Variants in PTPRD observed in about 807,000 individuals in gnomAD.
The protein encoded by PTPRD is receptor-type tyrosine-protein phosphatase delta.
A neutral mutation model predicts 214.5 loss-of-function variants in PTPRD; 34 were observed. The ratio of observed to expected loss-of-function variants is 0.16; its 90% CI spans 0.12 to 0.21. PTPRD has a LOEUF of 0.21. Among genes scored for constraint, PTPRD ranks in the 10% least tolerant of loss-of-function variants. The probability of loss-of-function intolerance (pLI) is 1.00; values close to 1 mark genes in which losing one functional copy is unlikely to be tolerated. For missense variants in PTPRD, 2,545 were observed against 2,398.7 expected (o/e 1.06, Z -1.27); for synonymous variants, 1,128 against 845.7 (o/e 1.33, Z -5.79).
chr9:8,689,856 C>G (rs2097766920), intron 12 of PTPRD, among the ~76,000 whole-genome samples: 1 of 151,974 alleles, frequency 6.6e-6, no homozygotes, highest in South Asian at 2.1e-4. Context: ...GCCTGTAATC[C>G]CAGCACTTTG....
At chr9:9,957,889 A>G (rs1461263044) in intron 4 of PTPRD, among the ~76,000 whole-genome samples, 1 of 152,124 alleles carries the variant, frequency 6.6e-6, no homozygotes, top group Non-Finnish European at 1.5e-5. Context: ...GTGAGAAAAA[A>G]AAAAAAATTA....
Position 8,782,691 on chromosome 9 carries a change from G to C in PTPRD, c.-103-48745C>G, listed in dbSNP as rs539720352. Among the ~76,000 whole-genome samples the C allele has an allele frequency of 1.4e-3, 201 of 147,674 alleles. 1 individual carries two copies. Among genetic ancestry groups the C allele is most frequent in the Non-Finnish European group, 2.4e-3 (160 of 67,368 alleles). On this transcript the variant is annotated intron_variant, in intron 11 of 45. Coordinates refer to ENST00000381196, the MANE Select transcript of PTPRD (RefSeq NM_002839.4). ...CGGCTCACTGCAACCTCCACCTCCC[G>C]AGTTCAAGCAATTCTCCTGCCTCAG...
At chr9:9,723,326 T>G (rs1217607194) in intron 7 of PTPRD, among the ~76,000 whole-genome samples, 1 of 152,118 alleles carries the variant, frequency 6.6e-6, no homozygotes, top group Non-Finnish European at 1.5e-5. Context: ...CAGTTAGCCA[T>G]AAACTTATGG....
intron 11 of PTPRD, among the ~76,000 whole-genome samples, chr9:8,767,468 C>CCTATATAA (rs1227221714): frequency 1.6e-4 from 25 of 152,096 alleles, no homozygotes; most frequent in Non-Finnish European, 3.1e-4. Flanking sequence ...ACTCAAAGAT[C>CCTATATAA]ATTTATATAG....
intron 3 of PTPRD, among the ~76,000 whole-genome samples, chr9:10,193,852 A>C (rs527486768): frequency 6.6e-6 from 1 of 152,278 alleles, no homozygotes; most frequent in Non-Finnish European, 1.5e-5. Context: ...ACGAAGAAAA[A>C]ATGCAAAATT....
rs446601 is a variant in PTPRD, at chr9:10,091,788, T to A, written c.-544-57998A>T. On this transcript the variant is annotated intron_variant, in intron 3 of 45. Coordinates refer to ENST00000381196, the MANE Select transcript of PTPRD (RefSeq NM_002839.4). ...AATAAGAATATGTATCTCATTTTTC[T>A]TAGAAGCAAGGCAGGCATCCAGTTT... Among the ~76,000 whole-genome samples, 20 of 151,278 alleles carry A rather than the reference T, an allele frequency of 1.3e-4. No homozygotes were observed. In the East Asian group the frequency reaches 2.7e-3, roughly 21 times the overall value.
chr9:8,395,171 G>C (rs949985292), intron 36 of PTPRD, among the ~76,000 whole-genome samples: 3 of 152,110 alleles, frequency 2.0e-5, no homozygotes, highest in Non-Finnish European at 4.4e-5. Flanking sequence ...AAACAAGTTT[G>C]TTCTTTGTTG....
intron 9 of PTPRD, among the ~76,000 whole-genome samples, chr9:9,302,654 C>G (rs1955839817): frequency 2.1e-5 from 2 of 93,534 alleles, no homozygotes; most frequent in Non-Finnish European, 4.2e-5. Context: ...CTTAAACATT[C>G]TCCCACTGAC....
intron 8 of PTPRD, among the ~76,000 whole-genome samples, chr9:9,539,902 A>T (rs1411649116): frequency 1.3e-5 from 2 of 151,874 alleles, no homozygotes; most frequent in African/African-American, 4.8e-5. Context: ...TCCAAATGTG[A>T]TACCATTCTC....
intron 9 of PTPRD, among the ~76,000 whole-genome samples, chr9:9,386,463 T>C (rs1300554703): frequency 6.6e-6 from 1 of 151,654 alleles, no homozygotes; most frequent in Admixed American, 6.6e-5. Flanking sequence ...GGTGGTTGCA[T>C]TAGCCTTTCT....
chr9:10,545,006 A>G (rs1347969966), intron 2 of PTPRD, among the ~76,000 whole-genome samples: 1 of 152,162 alleles, frequency 6.6e-6, no homozygotes. Context: ...TTTAACTTTT[A>G]TAAGTTTAAG....
At chr9:10,271,709 A>G (rs896706628) in intron 3 of PTPRD, among the ~76,000 whole-genome samples, 1 of 151,582 alleles carries the variant, frequency 6.6e-6, no homozygotes, top group Non-Finnish European at 1.5e-5. Flanking sequence ...CACCCGGCTA[A>G]TTTTTGTGTT....
intron 35 of PTPRD, among the ~76,000 whole-genome samples, chr9:8,428,492 A>G (rs10815868): frequency 0.43 from 65,208 of 151,944 alleles, 14,503 homozygotes; most frequent in East Asian, 0.61. Flanking sequence ...CTTGTGACTC[A>G]TATGTCAAAA....
At chr9:10,273,878 A>C (rs952136539) in intron 3 of PTPRD, among the ~76,000 whole-genome samples, 14 of 152,154 alleles carry the variant, frequency 9.2e-5, no homozygotes, top group African/African-American at 3.4e-4. Context: ...GGAGCTACAA[A>C]TATTTATTTA....
At chr9:9,412,852 CT>C (rs1156668588) in intron 8 of PTPRD, among the ~76,000 whole-genome samples, 1 of 151,942 alleles carries the variant, frequency 6.6e-6, no homozygotes, top group Non-Finnish European at 1.5e-5. Context: ...TTCTGGGGCA[CT>C]TTTTGTACTC....
chr9:8,595,133 G>A (rs1490497494), intron 14 of PTPRD, among the ~76,000 whole-genome samples: 1 of 150,150 alleles, frequency 6.7e-6, no homozygotes, highest in Non-Finnish European at 1.5e-5. Flanking sequence ...AAAGTGCTGG[G>A]ATTACAGGTG....
At chr9:10,315,168 T>C (rs2096388223) in intron 3 of PTPRD, among the ~76,000 whole-genome samples, 1 of 151,964 alleles carries the variant, frequency 6.6e-6, no homozygotes, top group Admixed American at 6.6e-5. Flanking sequence ...CTAGCATGAA[T>C]GGCTTGATTA....
At chr9:10,484,557 C>T (rs949123302) in intron 2 of PTPRD, among the ~76,000 whole-genome samples, 12 of 151,920 alleles carry the variant, frequency 7.9e-5, no homozygotes, top group African/African-American at 2.4e-4. Context: ...TTGTTATTGC[C>T]TGTCTTTTGG....
intron 11 of PTPRD, among the ~76,000 whole-genome samples, chr9:8,759,757 A>G (rs1407337673): frequency 6.6e-6 from 1 of 152,050 alleles, no homozygotes; most frequent in Admixed American, 6.6e-5. Flanking sequence ...GAAGTAAAAC[A>G]TTCACTTGAA....
Sources: allele counts gnomAD v4.1 joint callset (sites outside exome capture counted in the v4.1 genomes callset), GRCh38; gene constraint gnomAD v4.1.1; transcripts MANE v1.5; gene names NCBI Gene and HGNC (gene_info 2026-07-23, HGNC 2026-07-21).